Variants in MYH15 observed in about 807,000 individuals in gnomAD.
The protein encoded by MYH15 is myosin heavy chain 15.
In MYH15, 227 loss-of-function variants were observed where a neutral mutation model predicts 240.5. The ratio of observed to expected loss-of-function variants is 0.94; its 90% CI spans 0.85 to 1.05. The LOEUF is 1.05. Ranked by LOEUF, MYH15 falls within the 50% of genes least tolerant of loss-of-function variation. The probability of loss-of-function intolerance (pLI) is 0.00; values close to 1 mark genes in which losing one functional copy is unlikely to be tolerated. For missense variants in MYH15, 2,217 were observed against 2,247.5 expected, an observed-to-expected ratio of 0.99 and a Z score of 0.27; for synonymous variants, 785 against 796.7, an observed-to-expected ratio of 0.99 and a Z score of 0.25.
At chr3:108,449,744 C>T (rs906853400) in intron 21 of MYH15, among the ~76,000 whole-genome samples, 1 of 151,636 alleles carries the variant, frequency 6.6e-6, no homozygotes, top group Non-Finnish European at 1.5e-5. Context: ...TTACATCAAA[C>T]TAAAAAGCTT....
intron 31 of MYH15, among the ~76,000 whole-genome samples, 176 bp from the exon 32 acceptor site, chr3:108,408,580 A>T (rs1241247912): frequency 1.3e-5 from 2 of 152,200 alleles, no homozygotes; most frequent in South Asian, 4.1e-4. Flanking sequence ...TCATTTTTTC[A>T]TATAGTCTTT....
intron 1 of MYH15, among the ~76,000 whole-genome samples, chr3:108,523,211 C>T (rs1313992503): frequency 6.6e-6 from 1 of 151,958 alleles, no homozygotes; most frequent in Non-Finnish European, 1.5e-5. Context: ...TTGGCTATCT[C>T]TGGATGGTGG....
chr3:108,406,716 A>G (rs1295573488), intron 32 of MYH15, among the ~76,000 whole-genome samples: 1 of 152,226 alleles, frequency 6.6e-6, no homozygotes, highest in Non-Finnish European at 1.5e-5. Context: ...TGAAGTATTT[A>G]TGGATGTGGC....
intron 5 of MYH15, 38 bp from the exon 6 acceptor site, chr3:108,498,183 T>G: frequency 6.4e-7 from 1 of 1,568,578 alleles, no homozygotes; most frequent in African/African-American, 1.3e-5. Context: ...TAACTGGTTC[T>G]GATTATCAAT....
rs1426531776 is a variant in MYH15 at position 108,383,672 on chromosome 3, C to A, written c.5689G>T (p.Glu1897Ter). 3 of 1,610,126 alleles carry A rather than the reference C, an allele frequency of 1.9e-6. No individual in the cohort carries two copies. The Admixed American group carries it at 5.0e-5, about 27-fold the overall frequency. ...KYKKQQHELNEVKERAEVAES... is the reference protein window; with the variant it reads ...KYKKQQHELN ...GCCACCTCTGCCCTTTCCTTCACTT[C>A]ATTCAACTCATGTTGCTGTTTCTTA... Residue 1897 changes from glutamate (E) to a stop codon, truncating the protein, a stop_gained, in exon 40 of 41, where the codon GAA becomes TAA. Transcript: ENST00000693548. LOFTEE classifies it high-confidence loss of function.
intron 11 of MYH15, among the ~76,000 whole-genome samples, chr3:108,481,474 G>A (rs2083267293): frequency 6.6e-6 from 1 of 152,172 alleles, no homozygotes; most frequent in Admixed American, 6.6e-5. Flanking sequence ...TGAATGACAT[G>A]AAGAAAAATA....
intron 7 of MYH15, among the ~76,000 whole-genome samples, chr3:108,494,621 G>T (rs181336651): frequency 4.4e-4 from 67 of 152,164 alleles, no homozygotes; most frequent in African/African-American, 1.5e-3. Context: ...AGCCACTTGA[G>T]TAACTGAGAC....
At chr3:108,468,275 T>A (rs2083139390) in intron 14 of MYH15, among the ~76,000 whole-genome samples, 1 of 152,328 alleles carries the variant, frequency 6.6e-6, no homozygotes, top group Non-Finnish European at 1.5e-5. Flanking sequence ...TGATATAGAC[T>A]TTTTTGTAAA....
At chr3:108,505,267 TTTTG>T (rs200668128) in intron 2 of MYH15, among the ~76,000 whole-genome samples, 1 of 152,248 alleles carries the variant, frequency 6.6e-6, no homozygotes, top group South Asian at 2.1e-4. Context: ...AGTGGAGTTT[TTTTG>T]TTTGTTTGTT....
chr3:108,504,567 T>C (rs971053840), intron 2 of MYH15, among the ~76,000 whole-genome samples: 6 of 152,218 alleles, frequency 3.9e-5, no homozygotes, highest in Non-Finnish European at 8.8e-5. Flanking sequence ...AATATCTGTT[T>C]GTTACAGGAT....
In MYH15 at chr3:108,499,445, A is replaced by C. The variant is rs1169295769; in HGVS notation, c.524+10T>G. On this transcript the variant is annotated intron_variant, in intron 5 of 40. Coordinates refer to ENST00000693548, the MANE Select transcript of MYH15 (RefSeq NM_014981.3). ...TCAGGCCAAAAAAGAAAAACAAGGC[A>C]AACACTTACGTGAAGAGTATAGACT... 6.2e-7 allele frequency: 1 copy of C among 1,612,910 alleles called. No homozygotes were observed. Among genetic ancestry groups the C allele is most frequent in the East Asian group, 2.2e-5 (1 of 44,822 alleles).
At chr3:108,434,216 C>G (rs1456267294) in intron 25 of MYH15, among the ~76,000 whole-genome samples, 3 of 118,528 alleles carry the variant, frequency 2.5e-5, no homozygotes, top group Non-Finnish European at 5.1e-5. Flanking sequence ...GAGTTTCACT[C>G]TTGTTGCCCA....
intron 14 of MYH15, among the ~76,000 whole-genome samples, chr3:108,468,234 G>A (rs1392368832): frequency 3.3e-5 from 5 of 152,292 alleles, no homozygotes; most frequent in African/African-American, 4.8e-5. Context: ...CCAAAGTGCT[G>A]GGATTACAGG....
rs1433729443 is a variant in MYH15, at chr3:108,383,733, TAAAAATA to T, written c.5632-11_5632-5del. The T allele has an allele frequency of 9.3e-7, 1 of 1,074,870 alleles. No homozygotes were observed. The highest frequency in any genetic ancestry group is 1.2e-6 in the Non-Finnish European group (1 of 852,102). The allele number at this position is 1,074,870 out of a possible 1,614,324, so 66.6% of individuals were successfully genotyped here. A position where few individuals can be genotyped will look rare whatever the true frequency, so the allele number is the denominator to read the frequency against. On this transcript the variant is annotated splice_region_variant and splice_polypyrimidine_tract_variant and intron_variant, in intron 39 of 40. Coordinates refer to ENST00000693548, the MANE Select transcript of MYH15 (RefSeq NM_014981.3). ...GGTATTGATTGGCTTGTGTTTCCTA[TAAAAATA>T]AAAAAAAAAAAAAAGAAATCTCCAT...
Position 108,456,770 on chromosome 3 carries a change from G to A in MYH15, c.2134C>T (p.Gln712Ter). ...PNRLQYADFK[Q>*]RYCILNPRTF... ...GATCCTAGAATGTAGGTTTACCTTT[G>A]TTTAAAATCAGCATACTGCAGTCGG... The change falls in exon 19 of 41, where the codon CAA (glutamine) becomes TAA (stop). Residue 712 changes from glutamine to a stop codon, truncating the protein, a stop_gained. Transcript: ENST00000693548. LOFTEE classifies it high-confidence loss of function. 1 of 1,606,368 alleles carries A rather than the reference G, an allele frequency of 6.2e-7. No homozygotes were observed. The highest frequency in any genetic ancestry group is 1.1e-5 in the South Asian group (1 of 90,888).
intron 9 of MYH15, among the ~76,000 whole-genome samples, chr3:108,491,209 A>C (rs1251855943): frequency 6.6e-6 from 1 of 151,862 alleles, no homozygotes; most frequent in Non-Finnish European, 1.5e-5. Context: ...TTCTTTACTC[A>C]TTTGTTGCCT....
Position 108,410,818 on chromosome 3 carries a change from G to A in MYH15, c.4260C>T (p.Ala1420=), listed in dbSNP as rs756528916. The A allele has an allele frequency of 1.2e-6, 2 of 1,613,908 alleles. No individual in the cohort carries two copies. The highest frequency in any genetic ancestry group is 1.7e-6 in the Non-Finnish European group (2 of 1,179,914). Residue 1420 remains alanine (A), a synonymous_variant, in exon 31 of 41, where the codon GCC becomes GCT. Coordinates refer to ENST00000693548, the MANE Select transcript of MYH15 (RefSeq NM_014981.3). ...RHQLQLELGD[A]LSDLGKVRSA... ...AGCGGACCTTCCCGAGGTCAGACAG[G>A]GCGTCCCCGAGCTCCAGCTGCAGCT...
chr3:108,411,261 G>A (rs763258927), intron 30 of MYH15, among the ~76,000 whole-genome samples: 5 of 152,124 alleles, frequency 3.3e-5, no homozygotes, highest in Non-Finnish European at 5.9e-5. Flanking sequence ...CTAAGAAGGG[G>A]GAGAAAAGGA....
chr3:108,503,705 A>G (rs980066174), intron 2 of MYH15, among the ~76,000 whole-genome samples: 3 of 152,190 alleles, frequency 2.0e-5, no homozygotes, highest in African/African-American at 7.2e-5. Flanking sequence ...TGCTGGTGGA[A>G]ACGTAAAATG....
Sources: gnomAD v4.1 joint callset for allele counts (sites outside exome capture counted in the v4.1 genomes callset) on GRCh38, gnomAD v4.1.1 for gene constraint, MANE v1.5 for transcripts, NCBI Gene and HGNC (gene_info 2026-07-23, HGNC 2026-07-21) for gene names.